PLPP3: variants seen among roughly 807,000 people sequenced by gnomAD.
PLPP3 encodes PAP2 beta.
Under a neutral mutation model 29.6 loss-of-function variants are expected in PLPP3, and 6 were observed. The observed-to-expected ratio is 0.20, with a 90% confidence interval of 0.11 to 0.40. The LOEUF (loss-of-function observed/expected upper bound fraction) is 0.40. Ranked by LOEUF, PLPP3 falls within the 10% of genes least tolerant of loss-of-function variation. The probability of loss-of-function intolerance (pLI) is 1.00; values close to 1 mark genes in which losing one functional copy is unlikely to be tolerated. For missense variants in PLPP3, 308 were observed against 407.7 expected, an observed-to-expected ratio of 0.76 and a Z score of 2.11; for synonymous variants, 152 against 159.7, an observed-to-expected ratio of 0.95 and a Z score of 0.36.
intron 1 of PLPP3, among the ~76,000 whole-genome samples, chr1:56,557,068 AAGAAAGAAAAAATGAGAGAG>A (rs1646088195): frequency 7.7e-6 from 1 of 129,352 alleles, no homozygotes; most frequent in East Asian, 2.3e-4. Context: ...GAAAGAAAGA[AAGAAAGAAAAAATGAGAGAG>A]AGAGAAAGAG....
At chr1:56,530,363 G>C (rs1475367655) in intron 2 of PLPP3, among the ~76,000 whole-genome samples, 1 of 152,100 alleles carries the variant, frequency 6.6e-6, no homozygotes, top group Non-Finnish European at 1.5e-5. Context: ...TCTAGCTTCA[G>C]CCTACCCCTT....
chr1:56,510,172 G>A (rs1332619647), intron 5 of PLPP3, among the ~76,000 whole-genome samples: 2 of 152,096 alleles, frequency 1.3e-5, no homozygotes, highest in Admixed American at 6.6e-5. Context: ...AGGCCCCCGC[G>A]GGCTGTCCTC....
chr1:56,527,378 T>TA (rs1402255115), intron 2 of PLPP3, among the ~76,000 whole-genome samples: 36 of 152,298 alleles, frequency 2.4e-4, no homozygotes, highest in African/African-American at 8.4e-4. Flanking sequence ...ATGGAGATAC[T>TA]AAGGCTCTGG....
chr1:56,541,325 G>A (rs1347124560), intron 1 of PLPP3, among the ~76,000 whole-genome samples: 1 of 152,198 alleles, frequency 6.6e-6, no homozygotes, highest in African/African-American at 2.4e-5. Flanking sequence ...TTGCTATAGA[G>A]CTAGAGGAGA....
At chr1:56,508,357 T>G (rs1006603797) in intron 5 of PLPP3, among the ~76,000 whole-genome samples, 2 of 152,204 alleles carry the variant, frequency 1.3e-5, no homozygotes, top group Non-Finnish European at 2.9e-5. Context: ...CTACCTTCTC[T>G]CTGAGTGCTT....
intron 2 of PLPP3, among the ~76,000 whole-genome samples, chr1:56,533,053 C>CTT (rs869154825): frequency 1.1e-4 from 16 of 145,734 alleles, no homozygotes; most frequent in Non-Finnish European, 1.8e-4. Context: ...TATTATGTAG[C>CTT]TTTTTTTTTT....
intron 4 of PLPP3, among the ~76,000 whole-genome samples, chr1:56,520,199 C>T (rs1645809410): frequency 6.6e-6 from 1 of 152,178 alleles, no homozygotes; most frequent in Non-Finnish European, 1.5e-5. Context: ...TGATCACTTC[C>T]ACTTTCCAGA....
rs543133976 is a variant in PLPP3, at chr1:56,575,589, C to T, written c.139+3289G>A. Among the ~76,000 whole-genome samples the T allele has an allele frequency of 1.4e-3, 213 of 152,286 alleles. 1 individual carries two copies. Among genetic ancestry groups the T allele is most frequent in the African/African-American group, 5.0e-3 (208 of 41,558 alleles). ...GCAGAACTTTCTGCAAACCGAGCTT[C>T]AGAATTTTCTGATAAGAACCTGAAT... On this transcript the variant is annotated intron_variant, in intron 1 of 5. Transcript: ENST00000371250.
intron 2 of PLPP3, among the ~76,000 whole-genome samples, chr1:56,527,681 TC>T (rs998301756): frequency 2.0e-5 from 3 of 152,196 alleles, no homozygotes; most frequent in Admixed American, 6.5e-5. Context: ...ATTTTCTCTA[TC>T]CCCTTGTACA....
chr1:56,497,708 T>C (rs1179089140), intron 5 of PLPP3, among the ~76,000 whole-genome samples: 4 of 152,228 alleles, frequency 2.6e-5, no homozygotes, highest in African/African-American at 9.6e-5. Context: ...GGTTTCACTC[T>C]GGCCACATTA....
At chr1:56,557,022 G>GAGAGAGAA (rs1553139335) in intron 1 of PLPP3, among the ~76,000 whole-genome samples, 458 of 13,042 alleles carry the variant, frequency 0.035, 139 homozygotes, top group South Asian at 0.086. Context: ...GAGAGAGAGA[G>GAGAGAGAA]AGAAAGAGAG....
chr1:56,496,813 C>T (rs1645634229), intron 5 of PLPP3, 137 bp from the exon 6 acceptor site: 4 of 828,290 alleles, frequency 4.8e-6, no homozygotes, highest in Non-Finnish European at 7.3e-6. Flanking sequence ...GGAAGGACAA[C>T]AGAGATCATA....
At chr1:56,520,415 C>T (rs1390000488) in intron 4 of PLPP3, among the ~76,000 whole-genome samples, 1 of 152,088 alleles carries the variant, frequency 6.6e-6, no homozygotes, top group East Asian at 1.9e-4. Flanking sequence ...GCACTGGGTA[C>T]ACCGGGGAGT....
intron 5 of PLPP3, among the ~76,000 whole-genome samples, chr1:56,509,776 G>A (rs143332460): frequency 0.024 from 3,532 of 145,540 alleles, 45 homozygotes; most frequent in South Asian, 0.049. Context: ...GGCAGAGGTT[G>A]CAGTGAGCCG....
At position 56,530,408 on chromosome 1, in the gene PLPP3, C is replaced by T. The variant is rs1004660385; in HGVS notation, c.298-5854G>A. On this transcript the variant is annotated intron_variant, in intron 2 of 5. Coordinates refer to ENST00000371250, the MANE Select transcript of PLPP3 (RefSeq NM_003713.5). ...TGGCCCAATTCCAATCTTCTGCTAA[C>T]TCTCCCACCTGGAGATGTTAGTACC... 9.2e-5 allele frequency among the ~76,000 whole-genome samples: 14 copies of T among 152,192 alleles called. No homozygotes were observed. The East Asian group carries it at 1.7e-3, about 19-fold the overall frequency.
At chr1:56,565,434 T>TA (rs1325935281) in intron 1 of PLPP3, among the ~76,000 whole-genome samples, 1 of 151,842 alleles carries the variant, frequency 6.6e-6, no homozygotes, top group Non-Finnish European at 1.5e-5. Flanking sequence ...TTTTTTTTTT[T>TA]AAATGATACA....
At chr1:56,562,996 C>T (rs1332150949) in intron 1 of PLPP3, among the ~76,000 whole-genome samples, 1 of 152,182 alleles carries the variant, frequency 6.6e-6, no homozygotes, top group Non-Finnish European at 1.5e-5. Flanking sequence ...GATATACTTT[C>T]CCATTGGTCT....
chr1:56,496,717 C>T lies in PLPP3; in HGVS notation c.811-41G>A, dbSNP rs771153064. 23 of 1,608,490 alleles carry T rather than the reference C, an allele frequency of 1.4e-5. No individual in the cohort carries two copies. In the East Asian group the frequency reaches 1.8e-4, roughly 12 times the overall value. ...AGAGATCGAAGTCAGTAACTGACAT[C>T]GGGGGTCTGGGTACAGAGGGAAAAG... On this transcript the variant is annotated intron_variant, in intron 5 of 5. Coordinates refer to ENST00000371250, the MANE Select transcript of PLPP3 (RefSeq NM_003713.5).
At chr1:56,566,265 A>G (rs41446844) in intron 1 of PLPP3, among the ~76,000 whole-genome samples, 12,706 of 152,230 alleles carry the variant, frequency 0.083, 986 homozygotes, top group East Asian at 0.23. Context: ...GGAGAAAAGC[A>G]TGGGATTCAG....
Sources: gnomAD v4.1 joint callset for allele counts (sites outside exome capture counted in the v4.1 genomes callset) on GRCh38, gnomAD v4.1.1 for gene constraint, MANE v1.5 for transcripts, NCBI Gene and HGNC (gene_info 2026-07-23, HGNC 2026-07-21) for gene names.